GPC5: variants seen among roughly 807,000 people sequenced by gnomAD.
GPC5 encodes the protein glypican-5.
GPC5 carries 47 observed loss-of-function variants against 53.9 expected under a neutral mutation model. The observed-to-expected ratio is 0.87, with a 90% CI of 0.69 to 1.11. GPC5 has a LOEUF of 1.11. Among genes scored for constraint, GPC5 ranks in the 50% most tolerant of loss-of-function variants. GPC5 has a pLI of 0.00. For synonymous variants in GPC5, 286 were observed against 263.3 expected, an observed-to-expected ratio of 1.09 and a Z score of -0.84; for missense variants, 748 against 713.1, an observed-to-expected ratio of 1.05 and a Z score of -0.56.
intron 6 of GPC5, among the ~76,000 whole-genome samples, chr13:92,096,378 C>T (rs1288290528): frequency 6.6e-6 from 1 of 152,208 alleles, no homozygotes; most frequent in African/African-American, 2.4e-5. Flanking sequence ...TCTTATTCAA[C>T]ATGTCTTAAA....
intron 2 of GPC5, among the ~76,000 whole-genome samples, chr13:91,691,517 T>C (rs1261451820): frequency 6.6e-6 from 1 of 152,156 alleles, no homozygotes; most frequent in African/African-American, 2.4e-5. Flanking sequence ...TTACTAGCGA[T>C]GCACAGGTAA....
At chr13:92,467,151 G>A (rs1400819223) in intron 7 of GPC5, among the ~76,000 whole-genome samples, 1 of 152,116 alleles carries the variant, frequency 6.6e-6, no homozygotes, top group African/African-American at 2.4e-5. Context: ...GAAACTCTTA[G>A]AAGTTGTTTG....
chr13:91,461,074 A>G (rs1455547069), intron 2 of GPC5, among the ~76,000 whole-genome samples: 1 of 152,178 alleles, frequency 6.6e-6, no homozygotes, highest in East Asian at 1.9e-4. Context: ...GAGTGAGAAC[A>G]GTAAATAAAG....
chr13:92,264,537 G>C (rs1365625689), intron 7 of GPC5, among the ~76,000 whole-genome samples: 2 of 152,006 alleles, frequency 1.3e-5, no homozygotes, highest in Non-Finnish European at 2.9e-5. Context: ...ATGGAGCAAG[G>C]AGAGCTTTGC....
chr13:91,798,523 G>A (rs1403294213), intron 5 of GPC5, among the ~76,000 whole-genome samples: 1 of 152,128 alleles, frequency 6.6e-6, no homozygotes, highest in African/African-American at 2.4e-5. Flanking sequence ...ACATGATCTT[G>A]TTCCTTTTTA....
intron 6 of GPC5, among the ~76,000 whole-genome samples, chr13:91,997,896 G>T (rs2040518564): frequency 6.6e-6 from 1 of 152,064 alleles, no homozygotes. Context: ...TGGTTAAATT[G>T]TTTATACTAT....
chr13:91,709,101 A>T (rs2036172191), intron 3 of GPC5, among the ~76,000 whole-genome samples: 3 of 152,324 alleles, frequency 2.0e-5, no homozygotes, highest in African/African-American at 7.2e-5. Flanking sequence ...ATGTATATTG[A>T]GTGTTTACAG....
At chr13:92,252,239 T>C (rs2042697508) in intron 7 of GPC5, among the ~76,000 whole-genome samples, 1 of 152,150 alleles carries the variant, frequency 6.6e-6, no homozygotes, top group African/African-American at 2.4e-5. Flanking sequence ...AAGATTATGT[T>C]AGTTTTTATT....
At chr13:91,617,892 A>G (rs2033741463) in intron 2 of GPC5, among the ~76,000 whole-genome samples, 1 of 152,158 alleles carries the variant, frequency 6.6e-6, no homozygotes, top group African/African-American at 2.4e-5. Flanking sequence ...AGCCATAGAC[A>G]ATATATAACA....
At chr13:91,930,373 A>G (rs1368006122) in intron 6 of GPC5, among the ~76,000 whole-genome samples, 3 of 152,058 alleles carry the variant, frequency 2.0e-5, no homozygotes, top group Admixed American at 2.0e-4. Flanking sequence ...GAATTCTTAT[A>G]TGAACTCTAT....
At chr13:91,457,832 G>A (rs1881665968) in intron 2 of GPC5, among the ~76,000 whole-genome samples, 1 of 152,058 alleles carries the variant, frequency 6.6e-6, no homozygotes, top group Non-Finnish European at 1.5e-5. Flanking sequence ...GCTGAAGGTG[G>A]TAGGAGGTCC....
At chr13:92,286,006 T>G (rs1402759481) in intron 7 of GPC5, among the ~76,000 whole-genome samples, 1 of 151,982 alleles carries the variant, frequency 6.6e-6, no homozygotes. Context: ...GACAAAGGGC[T>G]AATATCCAGA....
chr13:91,539,760 A>G (rs887877486), intron 2 of GPC5, among the ~76,000 whole-genome samples: 2 of 152,212 alleles, frequency 1.3e-5, no homozygotes, highest in Non-Finnish European at 2.9e-5. Flanking sequence ...AAAAGATACA[A>G]TCCATAATGC....
At chr13:91,886,741 CA>C (rs1022803137) in intron 5 of GPC5, among the ~76,000 whole-genome samples, 119 of 152,146 alleles carry the variant, frequency 7.8e-4, no homozygotes, top group Non-Finnish European at 1.4e-3. Context: ...TGTTAGAGTT[CA>C]AAAATGATCT....
chr13:92,461,563 T>C (rs919205345), intron 7 of GPC5, among the ~76,000 whole-genome samples: 2 of 152,244 alleles, frequency 1.3e-5, no homozygotes, highest in Non-Finnish European at 2.9e-5. Flanking sequence ...CTCAAATTCA[T>C]ACATTGACCC....
At chr13:92,418,058 C>A in intron 7 of GPC5, among the ~76,000 whole-genome samples, 1 of 151,960 alleles carries the variant, frequency 6.6e-6, no homozygotes, top group Non-Finnish European at 1.5e-5. Context: ...CAGAAAAGGT[C>A]AAATATATGA....
intron 6 of GPC5, among the ~76,000 whole-genome samples, chr13:92,010,571 C>T (rs1291954940): frequency 6.6e-6 from 1 of 152,056 alleles, no homozygotes; most frequent in African/African-American, 2.4e-5. Context: ...TATTTTTGGG[C>T]AATAATTAAG....
chr13:92,022,248 G>A (rs778827834), intron 6 of GPC5, among the ~76,000 whole-genome samples: 20 of 149,338 alleles, frequency 1.3e-4, no homozygotes, highest in Admixed American at 4.6e-4. Flanking sequence ...TGATACACCC[G>A]CCTTGGCATC....
chr13:92,354,631 T>G (rs1325547937), intron 7 of GPC5, among the ~76,000 whole-genome samples: 1 of 152,174 alleles, frequency 6.6e-6, no homozygotes, highest in Non-Finnish European at 1.5e-5. Flanking sequence ...AACTAGATAC[T>G]GGTAAGATTC....
Sources: allele counts gnomAD v4.1 joint callset (sites outside exome capture counted in the v4.1 genomes callset), GRCh38; gene constraint gnomAD v4.1.1; transcripts MANE v1.5; gene names NCBI Gene and HGNC (gene_info 2026-07-23, HGNC 2026-07-21).